The following THSD7A variants were observed in gnomAD, a reference collection of about 807,000 sequenced individuals.
THSD7A encodes the protein thrombospondin type 1 domain containing 7A, also known as thrombospondin type-1 domain-containing protein 7A.
In THSD7A, 96 loss-of-function variants were observed where a neutral mutation model predicts 231.3. The ratio of observed to expected loss-of-function variants is 0.41; its 90% CI spans 0.35 to 0.49. THSD7A has a LOEUF of 0.49. Ranked by LOEUF, THSD7A falls within the 20% of genes least tolerant of loss-of-function variation. The probability of loss-of-function intolerance (pLI) is 0.05; values close to 1 mark genes in which losing one functional copy is unlikely to be tolerated. For synonymous variants in THSD7A, 940 were observed against 743.3 expected, an observed-to-expected ratio of 1.26 and a Z score of -4.30; for missense variants, 2,290 against 2,070.2, an observed-to-expected ratio of 1.11 and a Z score of -2.06.
At chr7:11,585,405 C>A (rs1008882349) in intron 4 of THSD7A, among the ~76,000 whole-genome samples, 5 of 152,104 alleles carry the variant, frequency 3.3e-5, no homozygotes, top group Non-Finnish European at 1.5e-5. Flanking sequence ...TTATTATATA[C>A]AGTAAGTCCT....
chr7:11,731,250 A>G (rs1781722396), intron 1 of THSD7A, among the ~76,000 whole-genome samples: 1 of 151,408 alleles, frequency 6.6e-6, no homozygotes, highest in Non-Finnish European at 1.5e-5. Flanking sequence ...TTATTTTCTT[A>G]ACTTTCATAA....
intron 23 of THSD7A, among the ~76,000 whole-genome samples, chr7:11,395,589 A>ACTAT (rs1444140774): frequency 6.7e-6 from 1 of 148,506 alleles, no homozygotes; most frequent in Non-Finnish European, 1.5e-5. Flanking sequence ...GTGCAGTGGC[A>ACTAT]CTATCTCAGC....
intron 1 of THSD7A, among the ~76,000 whole-genome samples, chr7:11,788,306 C>T (rs1222574902): frequency 6.6e-6 from 1 of 151,990 alleles, no homozygotes; most frequent in Non-Finnish European, 1.5e-5. Context: ...GTTACTCTCC[C>T]ACTTAAATAT....
chr7:11,800,783 T>C (rs112539600), intron 1 of THSD7A, among the ~76,000 whole-genome samples: 2 of 152,262 alleles, frequency 1.3e-5, no homozygotes, highest in African/African-American at 2.4e-5. Flanking sequence ...TTATGCAAGA[T>C]GAGTAAGTCC....
At chr7:11,518,834 C>A (rs1788146304) in intron 6 of THSD7A, among the ~76,000 whole-genome samples, 1 of 152,094 alleles carries the variant, frequency 6.6e-6, no homozygotes, top group Non-Finnish European at 1.5e-5. Flanking sequence ...ATGGCATGGA[C>A]TATAAATGAA....
At chr7:11,565,173 T>A (rs769497143) in intron 4 of THSD7A, among the ~76,000 whole-genome samples, 25 of 152,192 alleles carry the variant, frequency 1.6e-4, no homozygotes, top group Non-Finnish European at 2.6e-4. Context: ...TAACTGATAC[T>A]GTAAATTAAA....
Position 11,446,461 on chromosome 7 carries a change from T to C in THSD7A, c.2801-137A>G. On this transcript the variant is annotated intron_variant, in intron 12 of 27. Transcript: ENST00000423059. This position sits in a 1 kb window ranked among gnomAD's most constrained non-coding sequence, Gnocchi z 4.0. ...TTAACAGTAGCCTATAAATCAATGC[T>C]ATTTTCTCATTCCACAGTGTTTTCT... The C allele has an allele frequency of 2.9e-6, 3 of 1,020,212 alleles. No homozygotes were observed. The highest frequency in any genetic ancestry group is 2.9e-6 in the Non-Finnish European group (2 of 701,110). The allele number at this position is 1,020,212 out of a possible 1,614,324, so 63.2% of individuals were successfully genotyped here. A position where few individuals can be genotyped will look rare whatever the true frequency, so the allele number is the denominator to read the frequency against.
chr7:11,412,784 C>T lies in THSD7A; in HGVS notation c.3554G>A (p.Ser1185Asn). 6.2e-7 allele frequency: 1 copy of T among 1,612,432 alleles called. No homozygotes were observed. Among genetic ancestry groups the T allele is most frequent in the East Asian group, 2.2e-5 (1 of 44,858 alleles). The change falls in exon 18 of 28, where the codon AGT (serine) becomes AAT (asparagine). Residue 1185 changes from serine (S) to asparagine (N), a missense_variant. Ser to Asn is a conservative substitution (Grantham distance 46, BLOSUM62 1). Coordinates refer to ENST00000423059, the MANE Select transcript of THSD7A (RefSeq NM_015204.3). ...GGGATCAGCTGACCTTTGCCGGAAA[C>T]TGCTTTGATTGCAAGGCTTAAAAAG... Reference protein sequence around the residue: ...TQCVLPCNQSSFRQRSADPIR... With the variant: ...TQCVLPCNQSNFRQRSADPIR...
At chr7:11,656,624 C>T (rs535010936) in intron 1 of THSD7A, among the ~76,000 whole-genome samples, 168 of 151,954 alleles carry the variant, frequency 1.1e-3, no homozygotes, top group Non-Finnish European at 2.0e-3. Flanking sequence ...TTAGTACCTA[C>T]GGCTCATTCA....
chr7:11,407,745 A>G (rs1583684371), intron 19 of THSD7A, among the ~76,000 whole-genome samples: 2 of 152,350 alleles, frequency 1.3e-5, no homozygotes, highest in South Asian at 4.1e-4. Flanking sequence ...ACAAGTAAAT[A>G]TAAGCATAAA....
At chr7:11,625,115 A>G (rs1781437017) in intron 2 of THSD7A, among the ~76,000 whole-genome samples, 1 of 152,078 alleles carries the variant, frequency 6.6e-6, no homozygotes, top group South Asian at 2.1e-4. Context: ...CTGTTTCAGT[A>G]TCTGTCTCCA....
In THSD7A at chr7:11,493,852, T is replaced by C. The variant is rs956938148; in HGVS notation, c.1823-11870A>G. ...AAGTTTTATGGTAGTGGTTGCCTAATAGAAACCTTTGGGGGTAATATCATC... is the reference window on the plus strand; with the variant it reads ...AAGTTTTATGGTAGTGGTTGCCTAACAGAAACCTTTGGGGGTAATATCATC... On this transcript the variant is annotated intron_variant, in intron 6 of 27. Transcript: ENST00000423059. Among the ~76,000 whole-genome samples the C allele has an allele frequency of 5.3e-5, 8 of 152,010 alleles. No individual in the cohort carries two copies. In the East Asian group the frequency reaches 7.7e-4, roughly 15 times the overall value.
chr7:11,510,994 T>A (rs1185409497), intron 6 of THSD7A, among the ~76,000 whole-genome samples: 1 of 152,052 alleles, frequency 6.6e-6, no homozygotes, highest in Admixed American at 6.6e-5. Flanking sequence ...AAGTCAATTG[T>A]CCCTGTTTGC....
chr7:11,517,000 T>C lies in THSD7A; in HGVS notation c.1822+24419A>G, dbSNP rs557616181. On this transcript the variant is annotated intron_variant, in intron 6 of 27. Coordinates refer to ENST00000423059, the MANE Select transcript of THSD7A (RefSeq NM_015204.3). ...TATTTTTCCTATCAAAATAATTGTA[T>C]ATGTAATACGCATTGCCATCTGTCA... 3.3e-5 allele frequency among the ~76,000 whole-genome samples: 5 copies of C among 152,162 alleles called. No individual in the cohort carries two copies. The East Asian group carries it at 9.6e-4, about 29-fold the overall frequency.
At chr7:11,527,609 C>T (rs1294468542) in intron 6 of THSD7A, among the ~76,000 whole-genome samples, 2 of 151,836 alleles carry the variant, frequency 1.3e-5, no homozygotes, top group East Asian at 1.9e-4. Flanking sequence ...TGAAAAGCCA[C>T]GTTAGATCCT....
intron 4 of THSD7A, among the ~76,000 whole-genome samples, chr7:11,570,477 G>T (rs988361364): frequency 6.6e-6 from 1 of 152,150 alleles, no homozygotes; most frequent in Non-Finnish European, 1.5e-5. Context: ...AAAATAGCTG[G>T]AAGAGAAGAT....
chr7:11,736,270 A>T (rs942230885), intron 1 of THSD7A, among the ~76,000 whole-genome samples: 1 of 152,006 alleles, frequency 6.6e-6, no homozygotes, highest in African/African-American at 2.4e-5. Flanking sequence ...TGATAGGAGT[A>T]AGAGCAAATA....
At chr7:11,506,320 T>C (rs1787542991) in intron 6 of THSD7A, among the ~76,000 whole-genome samples, 1 of 152,172 alleles carries the variant, frequency 6.6e-6, no homozygotes, top group Admixed American at 6.5e-5. Context: ...TTTCTGTTAA[T>C]TACATATTTT....
chr7:11,595,762 G>A (rs1403732228), intron 2 of THSD7A, among the ~76,000 whole-genome samples: 1 of 152,212 alleles, frequency 6.6e-6, no homozygotes, highest in Non-Finnish European at 1.5e-5. Context: ...GGAAACCAAA[G>A]TCACTCAACT....
Sources: allele counts gnomAD v4.1 joint callset (sites outside exome capture counted in the v4.1 genomes callset), GRCh38; gene constraint gnomAD v4.1.1; non-coding constraint Gnocchi (gnomAD v3.1); transcripts MANE v1.5; gene names NCBI Gene and HGNC (gene_info 2026-07-23, HGNC 2026-07-21).